Variants in TLN2 observed in about 807,000 individuals in gnomAD.
TLN2 encodes the protein talin 2.
A neutral mutation model predicts 294.7 loss-of-function variants in TLN2; 118 were observed. The ratio of observed to expected loss-of-function variants is 0.40; its 90% CI spans 0.34 to 0.47. The LOEUF is 0.47. Ranked by LOEUF, TLN2 falls within the 20% of genes least tolerant of loss-of-function variation. The pLI is 0.84. For synonymous variants in TLN2, 1,431 were observed against 1,304.5 expected (o/e 1.10, Z -2.09); for missense variants, 3,083 against 3,282.2 (o/e 0.94, Z 1.48).
chr15:62,428,511 C>G (rs1019237153), intron 1 of TLN2, among the ~76,000 whole-genome samples: 4 of 152,204 alleles, frequency 2.6e-5, no homozygotes, highest in Admixed American at 6.5e-5. Flanking sequence ...GCACGTGAAG[C>G]CACGTGCCTT....
At chr15:62,456,429 C>G (rs2036487688) in intron 1 of TLN2, among the ~76,000 whole-genome samples, 1 of 152,164 alleles carries the variant, frequency 6.6e-6, no homozygotes, top group African/African-American at 2.4e-5. Flanking sequence ...AGGGCTGGAC[C>G]TGAGGGATTT....
chr15:62,703,625 GCGCACACA>G (rs1181572840), intron 19 of TLN2, among the ~76,000 whole-genome samples: 5 of 78,226 alleles, frequency 6.4e-5, no homozygotes, highest in South Asian at 4.2e-4. Flanking sequence ...ACACACACGC[GCGCACACA>G]CACACACACA....
At chr15:62,540,217 G>A (rs2041598519) in intron 1 of TLN2, among the ~76,000 whole-genome samples, 1 of 152,106 alleles carries the variant, frequency 6.6e-6, no homozygotes, top group Admixed American at 6.6e-5. Context: ...GATGGGTCCT[G>A]TAATCCCAGC....
At chr15:62,819,671 C>G in intron 53 of TLN2, 50 bp downstream of exon 53, 2 of 1,519,316 alleles carry the variant, frequency 1.3e-6, no homozygotes, top group Non-Finnish European at 1.8e-6. Flanking sequence ...CCAGGCAGTG[C>G]TAATACAGCA....
intron 7 of TLN2, 102 bp downstream of exon 7, chr15:62,653,416 G>GT: frequency 7.3e-7 from 1 of 1,369,602 alleles, no homozygotes. Flanking sequence ...TTTGATTTTT[G>GT]TTTTTAAAAC....
intron 46 of TLN2, among the ~76,000 whole-genome samples, chr15:62,793,790 A>C (rs561975912): frequency 3.9e-4 from 56 of 144,622 alleles, no homozygotes; most frequent in African/African-American, 1.3e-3. Flanking sequence ...CCCTTCCCTT[A>C]ACTCTGGTTC....
At chr15:62,654,680 G>A (rs150129792) in intron 7 of TLN2, among the ~76,000 whole-genome samples, 3,581 of 149,378 alleles carry the variant, frequency 0.024, 139 homozygotes, top group African/African-American at 0.085. Flanking sequence ...GCTTGAACCC[G>A]GGAGGTGGAG....
chr15:62,562,906 TCACACACACACACACACACACA>T (rs61578830), intron 1 of TLN2, among the ~76,000 whole-genome samples: 1,916 of 99,310 alleles, frequency 0.019, 19 homozygotes, highest in Middle Eastern at 0.055. Flanking sequence ...TAGTATTCCA[TCACACACACACACACACACACA>T]CACACACACA....
At chr15:62,559,272 G>A (rs1414567084) in intron 1 of TLN2, among the ~76,000 whole-genome samples, 1 of 152,150 alleles carries the variant, frequency 6.6e-6, no homozygotes, top group Non-Finnish European at 1.5e-5. Flanking sequence ...GGGAGAGCTT[G>A]CCAAGAAAAC....
intron 1 of TLN2, among the ~76,000 whole-genome samples, chr15:62,532,808 T>G (rs2041120874): frequency 6.6e-6 from 1 of 152,202 alleles, no homozygotes; most frequent in African/African-American, 2.4e-5. Flanking sequence ...CAGTCAGTTC[T>G]TCCTCAGAAC....
intron 43 of TLN2, among the ~76,000 whole-genome samples, chr15:62,779,219 G>T (rs1040042448): frequency 6.6e-6 from 1 of 152,192 alleles, no homozygotes; most frequent in African/African-American, 2.4e-5. Flanking sequence ...TGAGTATGAA[G>T]TAATCAGCTT....
intron 45 of TLN2, among the ~76,000 whole-genome samples, chr15:62,790,465 G>C (rs1325694901): frequency 6.6e-6 from 1 of 152,204 alleles, no homozygotes; most frequent in Non-Finnish European, 1.5e-5. Context: ...GGGACCAGCT[G>C]TGTGATCTTA....
At chr15:62,796,339 C>A in intron 47 of TLN2, 46 bp downstream of exon 47, 1 of 1,563,322 alleles carries the variant, frequency 6.4e-7, no homozygotes, top group South Asian at 1.2e-5. Context: ...TGGCCTGCCC[C>A]TGAAACTCAT....
chr15:62,768,198 G>T (rs1452593007), intron 41 of TLN2, among the ~76,000 whole-genome samples: 1 of 152,196 alleles, frequency 6.6e-6, no homozygotes, highest in Non-Finnish European at 1.5e-5. Flanking sequence ...CTGTGTTCAT[G>T]AAGTTCTGTG....
At chr15:62,541,305 A>G (rs56129506) in intron 1 of TLN2, among the ~76,000 whole-genome samples, 1 of 152,204 alleles carries the variant, frequency 6.6e-6, no homozygotes, top group Non-Finnish European at 1.5e-5. Flanking sequence ...AATATCTTGT[A>G]TTGACTATTG....
chr15:62,417,453 C>T (rs1386344159), intron 1 of TLN2, among the ~76,000 whole-genome samples: 1 of 152,184 alleles, frequency 6.6e-6, no homozygotes, highest in Non-Finnish European at 1.5e-5. Flanking sequence ...TTTACTGTGT[C>T]CTCATTAAGG....
At chr15:62,430,727 T>C (rs1440577350) in intron 1 of TLN2, among the ~76,000 whole-genome samples, 1 of 152,130 alleles carries the variant, frequency 6.6e-6, no homozygotes, top group Non-Finnish European at 1.5e-5. Context: ...GAGTAAAGTA[T>C]AAGTCATGGC....
intron 1 of TLN2, among the ~76,000 whole-genome samples, chr15:62,444,593 G>A (rs772575936): frequency 5.9e-5 from 9 of 152,192 alleles, no homozygotes; most frequent in Non-Finnish European, 1.3e-4. Flanking sequence ...GTTAGTAACT[G>A]GTGCTGTCAG....
intron 3 of TLN2, 32 bp from the exon 4 acceptor site, chr15:62,647,243 A>T: frequency 6.5e-7 from 1 of 1,532,574 alleles, no homozygotes. Context: ...TATTATCGTG[A>T]ACATCAGGGT....
Sources: allele counts gnomAD v4.1 joint callset (sites outside exome capture counted in the v4.1 genomes callset), GRCh38; gene constraint gnomAD v4.1.1; transcripts MANE v1.5; gene names NCBI Gene and HGNC (gene_info 2026-07-23, HGNC 2026-07-21).